Variants in NTM observed in about 807,000 individuals in gnomAD.
NTM encodes the protein neurotrimin.
A neutral mutation model predicts 42.1 loss-of-function variants in NTM; 13 were observed. The observed-to-expected ratio is 0.31, with a 90% CI of 0.20 to 0.49. The LOEUF (loss-of-function observed/expected upper bound fraction) is 0.49, where lower values mean the gene tolerates loss of function less well. Among genes scored for constraint, NTM ranks in the 20% least tolerant of loss-of-function variants. The probability of loss-of-function intolerance (pLI) is 0.99; values close to 1 mark genes in which losing one functional copy is unlikely to be tolerated. For missense variants in NTM, 373 were observed against 452.8 expected, an observed-to-expected ratio of 0.82 and a Z score of 1.60; for synonymous variants, 187 against 179.2, an observed-to-expected ratio of 1.04 and a Z score of -0.35.
chr11:131,395,345 A>G (rs951177315), intron 1 of NTM, among the ~76,000 whole-genome samples: 1 of 152,258 alleles, frequency 6.6e-6, no homozygotes. Flanking sequence ...GACATAAAAC[A>G]TTTAGAAAAT....
At chr11:132,145,889 A>G (rs994013744) in intron 2 of NTM, among the ~76,000 whole-genome samples, 1 of 152,202 alleles carries the variant, frequency 6.6e-6, no homozygotes, top group Admixed American at 6.5e-5. Context: ...TAGGGTTATT[A>G]TAAGTATTGA....
Position 131,443,369 on chromosome 11 carries a change from T to G in NTM, c.82+72481T>G, listed in dbSNP as rs1455664222. Among the ~76,000 whole-genome samples, 6 of 152,232 alleles carry G rather than the reference T, an allele frequency of 3.9e-5. No homozygotes were observed. The South Asian group carries it at 1.2e-3, about 31-fold the overall frequency. On this transcript the variant is annotated intron_variant, in intron 1 of 8. Coordinates refer to ENST00000683400, the MANE Select transcript of NTM (RefSeq NM_001352005.2). ...TAGAATGCCTGGGTGTATGGTTGTA[T>G]CATATTTGGAGAATAAGAGAAAAGT... is the stretch of plus-strand genomic sequence containing the variant.
intron 1 of NTM, among the ~76,000 whole-genome samples, chr11:131,728,659 A>G (rs943335963): frequency 6.6e-6 from 1 of 152,236 alleles, no homozygotes; most frequent in Non-Finnish European, 1.5e-5. Flanking sequence ...GGTCATCGCC[A>G]AGGCCTGATT....
At chr11:131,689,275 G>C (rs373068549) in intron 1 of NTM, among the ~76,000 whole-genome samples, 2 of 152,310 alleles carry the variant, frequency 1.3e-5, no homozygotes, top group South Asian at 4.1e-4. Flanking sequence ...GGCAGGGAAG[G>C]CTGCTCTGGC....
At chr11:131,968,750 A>G (rs2063156839) in intron 2 of NTM, among the ~76,000 whole-genome samples, 2 of 152,162 alleles carry the variant, frequency 1.3e-5, no homozygotes, top group Non-Finnish European at 2.9e-5. Context: ...TTTCACTTTT[A>G]TAATTCACAC....
chr11:131,824,182 T>C (rs146147455), intron 1 of NTM, among the ~76,000 whole-genome samples: 56 of 152,344 alleles, frequency 3.7e-4, no homozygotes, highest in East Asian at 3.7e-3. Context: ...TTAGTGGGCA[T>C]AACTTTACTT....
chr11:131,438,980 C>A (rs1231123192), intron 1 of NTM, among the ~76,000 whole-genome samples: 1 of 152,144 alleles, frequency 6.6e-6, no homozygotes, highest in African/African-American at 2.4e-5. Context: ...GTATGGATGT[C>A]CTTTTTGTTG....
At chr11:131,609,650 T>C (rs1478367100) in intron 1 of NTM, among the ~76,000 whole-genome samples, 1 of 152,238 alleles carries the variant, frequency 6.6e-6, no homozygotes, top group Non-Finnish European at 1.5e-5. Context: ...GTGCTTTTTG[T>C]ATGAGTAACA....
At chr11:131,796,903 A>G (rs1199249500) in intron 1 of NTM, among the ~76,000 whole-genome samples, 2 of 152,194 alleles carry the variant, frequency 1.3e-5, no homozygotes, top group Admixed American at 1.3e-4. Context: ...CATTTATTAC[A>G]CTTACAAATA....
intron 1 of NTM, among the ~76,000 whole-genome samples, chr11:131,678,171 G>C (rs565619285): frequency 6.6e-6 from 1 of 152,340 alleles, no homozygotes; most frequent in South Asian, 2.1e-4. Flanking sequence ...GACTGGACCG[G>C]GGTTTGAGGG....
At chr11:131,432,174 G>A (rs935082693) in intron 1 of NTM, among the ~76,000 whole-genome samples, 2 of 152,128 alleles carry the variant, frequency 1.3e-5, no homozygotes, top group African/African-American at 4.8e-5. Context: ...TCCTTAAGAA[G>A]AGAATGCCAT....
At chr11:131,461,841 A>G (rs1027279026) in intron 1 of NTM, among the ~76,000 whole-genome samples, 14 of 152,224 alleles carry the variant, frequency 9.2e-5, no homozygotes, top group African/African-American at 3.1e-4. Flanking sequence ...TTATACCTCA[A>G]TAAAGCTGAA....
chr11:131,682,872 G>C (rs1358120613), intron 1 of NTM, among the ~76,000 whole-genome samples: 1 of 152,016 alleles, frequency 6.6e-6, no homozygotes, highest in Non-Finnish European at 1.5e-5. Flanking sequence ...TGGGAAGCAT[G>C]TTGCGCCCAC....
At chr11:131,444,716 G>A (rs1203083284) in intron 1 of NTM, among the ~76,000 whole-genome samples, 1 of 152,140 alleles carries the variant, frequency 6.6e-6, no homozygotes, top group African/African-American at 2.4e-5. Context: ...GGTTAAAGAT[G>A]ACCAACAGAA....
At position 132,273,768 on chromosome 11, in the gene NTM, G is replaced by A. The variant is rs566622623; in HGVS notation, c.527-33921G>A. Among the ~76,000 whole-genome samples, 14 of 152,128 alleles carry A rather than the reference G, an allele frequency of 9.2e-5. No homozygotes were observed. In the South Asian group the frequency reaches 2.9e-3, roughly 32 times the overall value. On this transcript the variant is annotated intron_variant, in intron 4 of 8. Coordinates refer to ENST00000683400, the MANE Select transcript of NTM (RefSeq NM_001352005.2). ...CTAAAAATACAAAAAATTAGCCAGCGTGGTGGTGCATGCCTGTAATCCCAG... is the reference window on the plus strand; with the variant it reads ...CTAAAAATACAAAAAATTAGCCAGCATGGTGGTGCATGCCTGTAATCCCAG...
chr11:131,564,670 C>A (rs2137029786), intron 1 of NTM, among the ~76,000 whole-genome samples: 1 of 152,258 alleles, frequency 6.6e-6, no homozygotes, highest in African/African-American at 2.4e-5. Context: ...TTCTTCATGT[C>A]CATTCATTTT....
chr11:132,049,044 A>AT (rs1252278812), intron 2 of NTM, among the ~76,000 whole-genome samples: 5 of 151,634 alleles, frequency 3.3e-5, no homozygotes, highest in African/African-American at 1.2e-4. Context: ...GGGAATTTCG[A>AT]TTTTTCAGAT....
chr11:131,661,399 G>C (rs2068050809), intron 1 of NTM, among the ~76,000 whole-genome samples: 1 of 152,210 alleles, frequency 6.6e-6, no homozygotes, highest in East Asian at 1.9e-4. Context: ...GAACAAGGAA[G>C]AACGTCATTC....
intron 1 of NTM, among the ~76,000 whole-genome samples, chr11:131,478,056 ATTC>A (rs1234861878): frequency 6.6e-6 from 1 of 152,220 alleles, no homozygotes; most frequent in Non-Finnish European, 1.5e-5. Flanking sequence ...TTTCATAATA[ATTC>A]TTCTTAAAGA....
Sources: allele counts gnomAD v4.1 joint callset (sites outside exome capture counted in the v4.1 genomes callset), GRCh38; gene constraint gnomAD v4.1.1; transcripts MANE v1.5; gene names NCBI Gene and HGNC (gene_info 2026-07-23, HGNC 2026-07-21).